The following SUMF1 variants were observed in gnomAD, a reference collection of about 807,000 sequenced individuals.
SUMF1 encodes formylglycine-generating enzyme.
A neutral mutation model predicts 47.6 loss-of-function variants in SUMF1; 48 were observed. The observed-to-expected ratio is 1.01, with a 90% CI of 0.80 to 1.28. SUMF1 has a LOEUF of 1.28. Among genes scored for constraint, SUMF1 ranks in the 50% most tolerant of loss-of-function variants. The pLI is 0.00. For missense variants in SUMF1, 571 were observed against 485.4 expected (o/e 1.18, Z -1.66); for synonymous variants, 230 against 192.1 (o/e 1.20, Z -1.63).
At chr3:4,213,113 G>A (rs1294676738) in intron 8 of SUMF1, among the ~76,000 whole-genome samples, 2 of 152,212 alleles carry the variant, frequency 1.3e-5, no homozygotes, top group South Asian at 2.1e-4. Flanking sequence ...ATAATCATCA[G>A]ATTCACCAAG....
chr3:4,377,321 G>A (rs1007074113), intron 7 of SUMF1, among the ~76,000 whole-genome samples: 2 of 151,666 alleles, frequency 1.3e-5, no homozygotes, highest in African/African-American at 4.9e-5. Flanking sequence ...CATACAACAT[G>A]GTTTATCTTG....
chr3:4,110,036 T>A (rs1361353739), intron 8 of SUMF1, among the ~76,000 whole-genome samples: 1 of 152,128 alleles, frequency 6.6e-6, no homozygotes, highest in Non-Finnish European at 1.5e-5. Flanking sequence ...CTGCTCTGTT[T>A]TTTCCCCATC....
rs146279256 is a variant in SUMF1, at chr3:4,351,515, G to A, written c.1014+24815C>T. On this transcript the variant is annotated intron_variant and NMD_transcript_variant, in intron 8 of 12. Coordinates refer to the SUMF1 transcript ENST00000448413. Reference sequence around the variant, plus strand: ...ACACTGATCTCAGTCGTCTTTATCAGCCACATTCTTTTTATGTATTTGTGC... The same window carrying A: ...ACACTGATCTCAGTCGTCTTTATCAACCACATTCTTTTTATGTATTTGTGC... Among the ~76,000 whole-genome samples, 35 of 152,274 alleles carry A rather than the reference G, an allele frequency of 2.3e-4. 1 individual carries two copies. In the East Asian group the frequency reaches 6.4e-3, roughly 28 times the overall value.
At chr3:4,384,917 G>A (rs1291640092) in intron 7 of SUMF1, among the ~76,000 whole-genome samples, 1 of 149,738 alleles carries the variant, frequency 6.7e-6, no homozygotes, top group Admixed American at 6.7e-5. Flanking sequence ...AGGGTCTCTC[G>A]CTCTGTCGCC....
At chr3:4,282,109 A>G (rs904787840) in intron 8 of SUMF1, among the ~76,000 whole-genome samples, 2 of 152,184 alleles carry the variant, frequency 1.3e-5, no homozygotes, top group African/African-American at 4.8e-5. Flanking sequence ...AAACATCTTT[A>G]AAGACTCTGT....
intron 8 of SUMF1, among the ~76,000 whole-genome samples, chr3:4,269,210 T>G (rs1053699593): frequency 6.6e-6 from 1 of 152,168 alleles, no homozygotes; most frequent in African/African-American, 2.4e-5. Flanking sequence ...TTAGGGTACA[T>G]GTGCACAATG....
chr3:4,080,211 A>G (rs1221720713), intron 8 of SUMF1, among the ~76,000 whole-genome samples: 6 of 152,052 alleles, frequency 3.9e-5, no homozygotes, highest in Admixed American at 3.9e-4. Flanking sequence ...CGTACATTCC[A>G]TTTGCTTTGA....
At chr3:4,300,574 C>T (rs1445916730) in intron 8 of SUMF1, among the ~76,000 whole-genome samples, 1 of 152,058 alleles carries the variant, frequency 6.6e-6, no homozygotes, top group Non-Finnish European at 1.5e-5. Flanking sequence ...CCAGGTATAA[C>T]TGTTATTATA....
intron 8 of SUMF1, among the ~76,000 whole-genome samples, chr3:4,336,756 C>T (rs1467636418): frequency 3.3e-5 from 5 of 152,198 alleles, no homozygotes; most frequent in Non-Finnish European, 5.9e-5. Context: ...AATTTAGATA[C>T]ATTTGATATT....
At chr3:4,180,514 C>G (rs561978332) in intron 8 of SUMF1, among the ~76,000 whole-genome samples, 3 of 151,036 alleles carry the variant, frequency 2.0e-5, no homozygotes, top group African/African-American at 7.3e-5. Flanking sequence ...GGACACAGGG[C>G]GAGGAACATC....
chr3:4,204,072 A>G (rs1394254877), intron 8 of SUMF1, among the ~76,000 whole-genome samples: 2 of 152,030 alleles, frequency 1.3e-5, no homozygotes. Context: ...ACTATTATCC[A>G]TGAGTTTTGT....
At chr3:4,343,222 G>T (rs891988905) in intron 8 of SUMF1, among the ~76,000 whole-genome samples, 1 of 152,154 alleles carries the variant, frequency 6.6e-6, no homozygotes, top group African/African-American at 2.4e-5. Flanking sequence ...TACAGAACAC[G>T]ATTTTTTAAC....
chr3:4,459,951 T>C (rs189813201), intron 1 of SUMF1, among the ~76,000 whole-genome samples: 10 of 152,314 alleles, frequency 6.6e-5, no homozygotes, highest in Non-Finnish European at 1.3e-4. Context: ...ACAATCTAAA[T>C]GTCCATCAAT....
chr3:4,277,237 T>G (rs1697438709), intron 8 of SUMF1, among the ~76,000 whole-genome samples: 1 of 152,068 alleles, frequency 6.6e-6, no homozygotes, highest in Non-Finnish European at 1.5e-5. Flanking sequence ...TCACATTATT[T>G]AACAAAGGAG....
At chr3:4,097,976 T>C (rs575509053) in intron 8 of SUMF1, among the ~76,000 whole-genome samples, 22 of 152,256 alleles carry the variant, frequency 1.4e-4, no homozygotes, top group South Asian at 6.2e-4. Context: ...CCCTGACTAC[T>C]CTCAGAAACA....
At position 4,406,780 on chromosome 3, in the gene SUMF1, C is replaced by A. The variant is rs562606087; in HGVS notation, c.954+4085G>T. 2.0e-5 allele frequency among the ~76,000 whole-genome samples: 3 copies of A among 152,292 alleles called. No homozygotes were observed. In the East Asian group the frequency reaches 5.8e-4, roughly 29 times the overall value. On this transcript the variant is annotated intron_variant, in intron 7 of 8. Coordinates refer to ENST00000272902, the MANE Select transcript of SUMF1 (RefSeq NM_182760.4). ...GATATCACAGATCACCCCATCCTGT[C>A]ACATCATCAACTGAACAAGTCAGCA...
In SUMF1 at chr3:4,166,458, G is replaced by A. The variant is rs1287791485; in HGVS notation, c.1015-97713C>T. Among the ~76,000 whole-genome samples the A allele has an allele frequency of 2.6e-5, 4 of 152,142 alleles. No individual in the cohort carries two copies. In the East Asian group the frequency reaches 7.7e-4, roughly 29 times the overall value. On this transcript the variant is annotated intron_variant and NMD_transcript_variant, in intron 8 of 12. Coordinates refer to the SUMF1 transcript ENST00000448413. ...ATCCTAAAATTCCAGATAGTCCCCA[G>A]CAACAGGGCCTTGGGCAAAAATTAT...
At chr3:4,162,847 C>T (rs995030060) in intron 8 of SUMF1, among the ~76,000 whole-genome samples, 1 of 151,512 alleles carries the variant, frequency 6.6e-6, no homozygotes, top group Admixed American at 6.6e-5. Flanking sequence ...TTTGGTGTTC[C>T]TGTTGCGGGG....
At chr3:4,172,225 G>A (rs541731726) in intron 8 of SUMF1, among the ~76,000 whole-genome samples, 5 of 152,306 alleles carry the variant, frequency 3.3e-5, no homozygotes, top group African/African-American at 7.2e-5. Flanking sequence ...AAGGGAAAGA[G>A]ACGTTATTAA....
Sources: allele counts gnomAD v4.1 joint callset (sites outside exome capture counted in the v4.1 genomes callset), GRCh38; gene constraint gnomAD v4.1.1; transcripts MANE v1.5; gene names NCBI Gene and HGNC (gene_info 2026-07-23, HGNC 2026-07-21).